The following KIAA0825 variants were observed in gnomAD, a reference collection of about 807,000 sequenced individuals.
The protein encoded by KIAA0825 is KIAA0825.
KIAA0825 carries 119 observed loss-of-function variants against 147.6 expected under a neutral mutation model. The ratio of observed to expected loss-of-function variants is 0.81; its 90% CI spans 0.69 to 0.94. KIAA0825 has a LOEUF of 0.94. KIAA0825 is among the 40% of genes least tolerant of loss of function. The pLI, the probability that KIAA0825 is intolerant of heterozygous loss-of-function variation, is 0.00. For synonymous variants in KIAA0825, 470 were observed against 518.1 expected, an observed-to-expected ratio of 0.91 and a Z score of 1.26; for missense variants, 1,381 against 1,472.7, an observed-to-expected ratio of 0.94 and a Z score of 1.02.
chr5:94,569,379 A>C (rs1779416641), intron 2 of KIAA0825: 1 of 383,710 alleles, frequency 2.6e-6, no homozygotes. Flanking sequence ...ATCAACACTA[A>C]GCCCCCATAA....
chr5:94,609,861 C>A (rs1383542637), intron 1 of KIAA0825, among the ~76,000 whole-genome samples: 2 of 151,926 alleles, frequency 1.3e-5, no homozygotes, highest in Non-Finnish European at 2.9e-5. Context: ...CTAGAAGGTC[C>A]CCATTTACAA....
chr5:94,239,985 A>G (rs1365928243), intron 20 of KIAA0825, among the ~76,000 whole-genome samples: 1 of 152,202 alleles, frequency 6.6e-6, no homozygotes, highest in Non-Finnish European at 1.5e-5. Flanking sequence ...ATTTTTGTCC[A>G]ATTAATAGAT....
chr5:94,175,379 A>C (rs1193199695), intron 20 of KIAA0825, among the ~76,000 whole-genome samples: 2 of 152,090 alleles, frequency 1.3e-5, no homozygotes, highest in Non-Finnish European at 2.9e-5. Context: ...ATAATGTTTT[A>C]TTTTTGCAGT....
chr5:94,556,124 C>G (rs1328745634), intron 2 of KIAA0825, among the ~76,000 whole-genome samples: 8 of 151,744 alleles, frequency 5.3e-5, no homozygotes, highest in Admixed American at 3.3e-4. Flanking sequence ...GCGATCTCAG[C>G]TCACTGTAAC....
chr5:94,309,680 A>G (rs1778989726), intron 20 of KIAA0825, among the ~76,000 whole-genome samples: 1 of 151,700 alleles, frequency 6.6e-6, no homozygotes, highest in East Asian at 1.9e-4. Context: ...CATCTCAGAA[A>G]GGAAAGTGAG....
At chr5:94,600,490 T>G (rs1585010072) in intron 1 of KIAA0825, among the ~76,000 whole-genome samples, 2 of 152,072 alleles carry the variant, frequency 1.3e-5, no homozygotes, top group East Asian at 3.8e-4. Context: ...TTAATGTATT[T>G]TATAATCATT....
chr5:94,575,327 T>G (rs189579394), intron 2 of KIAA0825, among the ~76,000 whole-genome samples: 1 of 148,074 alleles, frequency 6.8e-6, no homozygotes, highest in African/African-American at 2.5e-5. Flanking sequence ...GATATGAAGG[T>G]GATGATAAAT....
At chr5:94,298,949 G>C (rs1778260115) in intron 20 of KIAA0825, among the ~76,000 whole-genome samples, 1 of 152,138 alleles carries the variant, frequency 6.6e-6, no homozygotes, top group South Asian at 2.1e-4. Flanking sequence ...ATAGGTAACA[G>C]GGTAAGGTAA....
intron 1 of KIAA0825, chr5:94,594,510 C>A (rs888662582): frequency 2.7e-6 from 2 of 747,396 alleles, no homozygotes; most frequent in Non-Finnish European, 5.0e-6. Flanking sequence ...AACATTGGGA[C>A]AACTACCAGA....
intron 5 of KIAA0825, among the ~76,000 whole-genome samples, chr5:94,495,190 T>C (rs1764214249): frequency 6.6e-6 from 1 of 152,218 alleles, no homozygotes; most frequent in Admixed American, 6.5e-5. Flanking sequence ...CCTGAAAAGC[T>C]GTACTCATGA....
intron 12 of KIAA0825, among the ~76,000 whole-genome samples, chr5:94,456,070 C>T (rs752961639): frequency 3.9e-5 from 6 of 152,082 alleles, no homozygotes; most frequent in Non-Finnish European, 7.4e-5. Context: ...GAAAGGCAGT[C>T]TCAAAGGAAG....
chr5:94,550,951 A>G (rs1451568204), intron 2 of KIAA0825, among the ~76,000 whole-genome samples: 1 of 152,088 alleles, frequency 6.6e-6, no homozygotes, highest in Non-Finnish European at 1.5e-5. Context: ...TCACTCATAT[A>G]TAAGAGAATA....
intron 2 of KIAA0825, among the ~76,000 whole-genome samples, chr5:94,573,270 G>GC (rs1554049140): frequency 8.0e-6 from 1 of 124,930 alleles, no homozygotes. Context: ...CTTTTTAAGT[G>GC]TTTTTTTTTT....
intron 13 of KIAA0825, among the ~76,000 whole-genome samples, chr5:94,449,673 C>T (rs1225557267): frequency 2.0e-5 from 3 of 152,172 alleles, no homozygotes; most frequent in Non-Finnish European, 4.4e-5. Flanking sequence ...TATAGGTAAT[C>T]ACTCAAAGCT....
chr5:94,442,099 A>G (rs1425104716), intron 13 of KIAA0825, among the ~76,000 whole-genome samples: 1 of 152,184 alleles, frequency 6.6e-6, no homozygotes, highest in East Asian at 1.9e-4. Flanking sequence ...CTGCTCATAA[A>G]TGAGTAGGCA....
chr5:94,297,133 C>G (rs1446135762), intron 20 of KIAA0825, among the ~76,000 whole-genome samples: 1 of 152,102 alleles, frequency 6.6e-6, no homozygotes, highest in African/African-American at 2.4e-5. Context: ...ATTTCATCAG[C>G]CCAGGCACAT....
At chr5:94,407,887 G>GA (rs2150656350) in intron 15 of KIAA0825, among the ~76,000 whole-genome samples, 1 of 152,160 alleles carries the variant, frequency 6.6e-6, no homozygotes, top group African/African-American at 2.4e-5. Flanking sequence ...GCCTCTAAAA[G>GA]GACACACACA....
chr5:94,490,012 TAGA>T (rs930029479), intron 5 of KIAA0825, among the ~76,000 whole-genome samples: 3 of 152,288 alleles, frequency 2.0e-5, no homozygotes, highest in Non-Finnish European at 2.9e-5. Flanking sequence ...TTTTTACTTT[TAGA>T]AGAAGTATGG....
chr5:94,235,474 GT>G (rs920891744), intron 20 of KIAA0825, among the ~76,000 whole-genome samples: 2 of 152,196 alleles, frequency 1.3e-5, no homozygotes, highest in African/African-American at 4.8e-5. Context: ...GGTTCATGAG[GT>G]TTAAGGAAAG....
Sources: allele counts gnomAD v4.1 joint callset (sites outside exome capture counted in the v4.1 genomes callset), GRCh38; gene constraint gnomAD v4.1.1; transcripts MANE v1.5; gene names NCBI Gene and HGNC (gene_info 2026-07-23, HGNC 2026-07-21).